Variants in ZNF446 observed in about 807,000 individuals in gnomAD.
ZNF446 encodes zinc finger protein with KRAB and SCAN domains 20.
Under a neutral mutation model 34.0 loss-of-function variants are expected in ZNF446, and 42 were observed. That is an observed-to-expected ratio of 1.23 (90% CI 0.96 to 1.60). ZNF446 has a LOEUF of 1.60. ZNF446 is among the 40% of genes most tolerant of loss of function. The pLI, the probability that ZNF446 is intolerant of heterozygous loss-of-function variation, is 0.00. For missense variants in ZNF446, 650 were observed against 600.2 expected (o/e 1.08, Z -0.87); for synonymous variants, 315 against 251.0 (o/e 1.25, Z -2.41).
chr19:58,480,443 G>A lies in ZNF446; in HGVS notation c.1070G>A (p.Gly357Glu), dbSNP rs573855445. 1.2e-6 allele frequency: 2 copies of A among 1,612,802 alleles called. No homozygotes were observed. Among genetic ancestry groups the A allele is most frequent in the Admixed American group, 3.3e-5 (2 of 60,000 alleles). The part of the protein sequence containing the change: ...FVIHHRTHTS[G>E]PGVQSPGLAT... ...ATCCACCACCGGACACACACGAGTG[G>A]GCCAGGTGTGCAGTCCCCGGGGCTA... The change falls in exon 7 of 7, where the codon GGG (glycine) becomes GAG (glutamate). Residue 357 changes from glycine to glutamate, a missense_variant. Physicochemically the swap from Gly to Glu is moderately conservative, Grantham distance 98. Transcript: ENST00000594369. This position sits in a 1 kb window ranked among gnomAD's most constrained non-coding sequence, Gnocchi z 7.2.
chr19:58,482,280 C>T (rs1445622254), downstream of ZNF446, among the ~76,000 whole-genome samples: 1 of 152,056 alleles, frequency 6.6e-6, no homozygotes, highest in African/African-American at 2.4e-5. Context: ...TCTCTGACAC[C>T]CATCGATCCT....
At chr19:58,484,941 C>T (rs2053161507), downstream of ZNF446, among the ~76,000 whole-genome samples, 1 of 151,998 alleles carries the variant, frequency 6.6e-6, no homozygotes, top group Non-Finnish European at 1.5e-5. Context: ...GCCTGTTGTC[C>T]CAACTACTCG....
chr19:58,480,166 C>A lies in ZNF446; in HGVS notation c.803-10C>A. Reference sequence around the variant, plus strand: ...GTGCCGGGACTCACCTGGTTTGCCCCTGCCCCCAGGAAATGAGAGTGAGGG... The same window carrying A: ...GTGCCGGGACTCACCTGGTTTGCCCATGCCCCCAGGAAATGAGAGTGAGGG... On this transcript the variant is annotated splice_polypyrimidine_tract_variant and intron_variant, in intron 6 of 6. Coordinates refer to ENST00000594369, the MANE Select transcript of ZNF446 (RefSeq NM_017908.4). The surrounding 1 kb of genome is among the most constrained non-coding windows in gnomAD (Gnocchi z 7.2). The A allele has an allele frequency of 6.3e-7, 1 of 1,590,094 alleles. No homozygotes were observed. The highest frequency in any genetic ancestry group is 8.5e-7 in the Non-Finnish European group (1 of 1,175,256).
rs551824481 is a variant in ZNF446 at position 58,480,709 on chromosome 19, C to T, written c.1336C>T (p.Arg446Trp). 2.9e-5 allele frequency: 46 copies of T among 1,604,878 alleles called. No homozygotes were observed. In the East Asian group the frequency reaches 3.8e-4, roughly 13 times the overall value. The change falls in exon 7 of 7, where the codon CGG becomes TGG. Residue 446 changes from arginine (R) to tryptophan (W), a missense_variant. By Grantham distance (101) the Arg-to-Trp change is moderately radical (BLOSUM62 -3). Transcript: ENST00000594369. The surrounding 1 kb of genome is among the most constrained non-coding windows in gnomAD (Gnocchi z 7.2). ...GCTGGTCATCCACCGCAAGGGCCAC[C>T]GGCCGGAGGTTCCATGAGCAGCCAG... The part of the protein sequence containing the change: ...SQLVIHRKGH[R>W]PEVP
At chr19:58,481,251 C>G (rs1380140613), downstream of ZNF446, 2 of 155,258 alleles carry the variant, frequency 1.3e-5, no homozygotes, top group Admixed American at 1.2e-4. Context: ...GAATAAGAAT[C>G]CTGATTTCTG....
chr19:58,479,901 A>G (rs2053122106), intron 5 of ZNF446, 29 bp from the exon 6 acceptor site: 1 of 1,536,788 alleles, frequency 6.5e-7, no homozygotes, highest in Non-Finnish European at 8.8e-7. Context: ...TGCAAACCCC[A>G]TGCCTAACTG....
the ZNF446 span, among the ~76,000 whole-genome samples, chr19:58,487,048 C>T: frequency 1.3e-5 from 2 of 151,374 alleles, no homozygotes. Context: ...ACCTCGGCCT[C>T]CCAAAGTGCT....
chr19:58,479,379 T>C (rs556547324), intron 4 of ZNF446: 1 of 475,800 alleles, frequency 2.1e-6, no homozygotes, highest in African/African-American at 2.0e-5. Context: ...ATAAAGTCAC[T>C]CAGGTCCCTG....
chr19:58,480,340 G>C lies in ZNF446; in HGVS notation c.967G>C (p.Glu323Gln), dbSNP rs1389092142. ...TQPTPAETRL[E>Q]PAATPRKPYT... is the part of the protein sequence containing the mutation. ...GCCCACACCTGCAGAGACGAGACTGGAGCCGGCTGCCACCCCCAGGAAGCC... is the reference window on the plus strand; with the variant it reads ...GCCCACACCTGCAGAGACGAGACTGCAGCCGGCTGCCACCCCCAGGAAGCC... Residue 323 changes from glutamate to glutamine, a missense_variant, in exon 7 of 7, where the codon GAG (glutamate) becomes CAG (glutamine). Physicochemically the swap from Glu to Gln is conservative, Grantham distance 29. Transcript: ENST00000594369. The surrounding 1 kb of genome is among the most constrained non-coding windows in gnomAD (Gnocchi z 7.2). 6.3e-7 allele frequency: 1 copy of C among 1,595,664 alleles called. No homozygotes were observed. The highest frequency in any genetic ancestry group is 8.5e-7 in the Non-Finnish European group (1 of 1,172,114).
Position 58,480,507 on chromosome 19 carries a change from G to A in ZNF446, c.1134G>A (p.Glu378=), listed in dbSNP as rs34229399. ...GESTEKPPQG[E]VAFPHHPRRS... ...GCACAGAGAAGCCACCACAAGGGGA[G>A]GTGGCCTTTCCGCACCACCCCCGAC... The change falls in exon 7 of 7, where the codon GAG becomes GAA. Residue 378 remains glutamate, a synonymous_variant. Transcript: ENST00000594369. The surrounding 1 kb of genome is among the most constrained non-coding windows in gnomAD (Gnocchi z 7.2). The A allele has an allele frequency of 2.7e-3, 4,332 of 1,612,750 alleles. 76 individuals carry two copies. The African/African-American group carries it at 0.045, about 17-fold the overall frequency.
chr19:58,479,491 TAACA>T (rs1051630922), intron 4 of ZNF446, 148 bp from the exon 5 acceptor site: 25 of 771,444 alleles, frequency 3.2e-5, no homozygotes, highest in African/African-American at 3.5e-5. Flanking sequence ...CCTCTGCACT[TAACA>T]AACACACACC....
At chr19:58,481,950 C>T (rs191463264), downstream of ZNF446, among the ~76,000 whole-genome samples, 4 of 152,166 alleles carry the variant, frequency 2.6e-5, no homozygotes, top group African/African-American at 4.8e-5. Flanking sequence ...CCCGCCACCA[C>T]GCCCGGCTAA....
the ZNF446 span, among the ~76,000 whole-genome samples, chr19:58,489,062 G>A: frequency 6.6e-6 from 1 of 152,130 alleles, no homozygotes; most frequent in African/African-American, 2.4e-5. Context: ...AAGTAACTTT[G>A]AGAGAAACTT....
downstream of ZNF446, among the ~76,000 whole-genome samples, chr19:58,485,747 T>G: frequency 6.6e-6 from 1 of 152,122 alleles, no homozygotes; most frequent in East Asian, 1.9e-4. Flanking sequence ...AATGATTTAT[T>G]AAATTTTTTT....
chr19:58,487,022 A>C, the ZNF446 span, among the ~76,000 whole-genome samples: 5 of 59,610 alleles, frequency 8.4e-5, no homozygotes, highest in African/African-American at 3.0e-4. Flanking sequence ...GGATGGTCTG[A>C]CCTTGTGATC....
downstream of ZNF446, among the ~76,000 whole-genome samples, chr19:58,484,683 A>T (rs191828207): frequency 7.4e-4 from 113 of 151,934 alleles, no homozygotes; most frequent in Non-Finnish European, 1.3e-3. Context: ...TTTCGATAAA[A>T]TTTTTTTTAA....
At chr19:58,483,032 T>G (rs749849859), downstream of ZNF446, among the ~76,000 whole-genome samples, 32 of 152,236 alleles carry the variant, frequency 2.1e-4, no homozygotes, top group Non-Finnish European at 3.4e-4. Flanking sequence ...TGTTCCCTAA[T>G]TCAACTGTCT....
downstream of ZNF446, among the ~76,000 whole-genome samples, chr19:58,484,668 C>CT (rs1568620498): frequency 6.6e-6 from 1 of 151,904 alleles, no homozygotes; most frequent in Non-Finnish European, 1.5e-5. Context: ...CATGTCTCTA[C>CT]TTTTTTTCGA....
Position 58,480,672 on chromosome 19 carries a change from C to G in ZNF446, c.1299C>G (p.Asp433Glu). 6.2e-7 allele frequency: 1 copy of G among 1,610,696 alleles called. No individual in the cohort carries two copies. Among genetic ancestry groups the G allele is most frequent in the South Asian group, 1.1e-5 (1 of 91,074 alleles). ...GCAGTGACTGTGGCCGCGCCTTCGA[C>G]TGGAAGTCGCAGCTGGTCATCCACC... ...HFCSDCGRAF[D>E]WKSQLVIHRK... Residue 433 changes from aspartate to glutamate, a missense_variant, in exon 7 of 7, where the codon GAC becomes GAG. Physicochemically the swap from Asp to Glu is conservative, Grantham distance 45 (BLOSUM62 2). Coordinates refer to ENST00000594369, the MANE Select transcript of ZNF446 (RefSeq NM_017908.4). This position sits in a 1 kb window ranked among gnomAD's most constrained non-coding sequence, Gnocchi z 7.2.
Sources: gnomAD v4.1 joint callset for allele counts (sites outside exome capture counted in the v4.1 genomes callset) on GRCh38, gnomAD v4.1.1 for gene constraint, Gnocchi (gnomAD v3.1) non-coding constraint, MANE v1.5 for transcripts, NCBI Gene and HGNC (gene_info 2026-07-23, HGNC 2026-07-21) for gene names.